BCAS3: variants seen among roughly 807,000 people sequenced by gnomAD.
BCAS3 encodes BCAS3 microtubule associated cell migration factor, also known as BCAS4/BCAS3 fusion.
In BCAS3, 53 loss-of-function variants were observed where a neutral mutation model predicts 116.1. The observed-to-expected ratio is 0.46, with a 90% CI of 0.37 to 0.57. BCAS3 has a LOEUF of 0.57. Among genes scored for constraint, BCAS3 ranks in the 20% least tolerant of loss-of-function variants. The pLI, the probability that BCAS3 is intolerant of heterozygous loss-of-function variation, is 0.00. For missense variants in BCAS3, 917 were observed against 1,165.4 expected (o/e 0.79, Z 3.10); for synonymous variants, 391 against 408.2 (o/e 0.96, Z 0.51).
intron 22 of BCAS3, among the ~76,000 whole-genome samples, chr17:61,322,834 G>GAGAGAGAGAGAGAGAC (rs2055385180): frequency 1.2e-4 from 16 of 131,826 alleles, no homozygotes; most frequent in Admixed American, 1.1e-3. Context: ...GAGAGACAGA[G>GAGAGAGAGAGAGAGAC]AGAGAGAGAG....
intron 13 of BCAS3, among the ~76,000 whole-genome samples, chr17:60,943,829 A>G (rs1314147119): frequency 6.6e-6 from 1 of 152,150 alleles, no homozygotes; most frequent in Non-Finnish European, 1.5e-5. Flanking sequence ...TGGCAATAAT[A>G]TCTGAAAGAT....
intron 10 of BCAS3, among the ~76,000 whole-genome samples, chr17:60,900,548 G>A (rs1039996005): frequency 1.3e-5 from 2 of 152,156 alleles, no homozygotes; most frequent in African/African-American, 4.8e-5. Flanking sequence ...TTGAATTCCA[G>A]TGTTTTACCT....
At chr17:60,776,226 CTG>C (rs200936738) in intron 6 of BCAS3, among the ~76,000 whole-genome samples, 5 of 151,754 alleles carry the variant, frequency 3.3e-5, no homozygotes, top group Admixed American at 1.3e-4. Context: ...TTAAAGTAAT[CTG>C]TGTGTGTGTG....
intron 9 of BCAS3, among the ~76,000 whole-genome samples, chr17:60,880,111 T>C (rs867579745): frequency 3.9e-5 from 6 of 152,186 alleles, no homozygotes; most frequent in African/African-American, 1.2e-4. Context: ...TTCTCACCCA[T>C]TGAGTCTTAG....
rs2143646197 is a variant in BCAS3 at position 61,098,822 on chromosome 17, T to C, written c.2425+14258T>C. On this transcript the variant is annotated intron_variant, in intron 22 of 23. Coordinates refer to ENST00000407086, the MANE Select transcript of BCAS3 (RefSeq NM_017679.5). The surrounding 1 kb of genome is among the most constrained non-coding windows in gnomAD (Gnocchi z 4.2). ...GGATCCTGATTGTTCTGTTACTGCT[T>C]GGCTTAAGATACCCCTGGATGGGCT... Among the ~76,000 whole-genome samples the C allele has an allele frequency of 6.6e-6, 1 of 151,690 alleles. No homozygotes were observed. Among genetic ancestry groups the C allele is most frequent in the African/African-American group, 2.4e-5 (1 of 41,362 alleles).
chr17:60,702,230 C>A (rs2036518568), intron 4 of BCAS3, among the ~76,000 whole-genome samples: 1 of 152,162 alleles, frequency 6.6e-6, no homozygotes, highest in African/African-American at 2.4e-5. Context: ...TTTGTAGTGA[C>A]CTCCTGCCGC....
At chr17:60,870,131 C>T (rs1479816638) in intron 8 of BCAS3, among the ~76,000 whole-genome samples, 1 of 152,160 alleles carries the variant, frequency 6.6e-6, no homozygotes, top group Admixed American at 6.5e-5. Flanking sequence ...CTGAATTGCT[C>T]CTCATTCTCC....
intron 7 of BCAS3, among the ~76,000 whole-genome samples, chr17:60,833,552 C>CTTA (rs1283282050): frequency 6.6e-6 from 1 of 152,194 alleles, no homozygotes; most frequent in East Asian, 1.9e-4. Flanking sequence ...ATTTTGCACA[C>CTTA]TTATACTTTT....
At chr17:61,070,392 TATATATATC>T (rs1356892141) in intron 19 of BCAS3, 9 of 179,486 alleles carry the variant, frequency 5.0e-5, no homozygotes, top group Non-Finnish European at 1.0e-4. Context: ...TATATATATA[TATATATATC>T]TTTTCACCAT....
intron 8 of BCAS3, among the ~76,000 whole-genome samples, chr17:60,872,632 A>T (rs1490814404): frequency 6.6e-6 from 1 of 151,504 alleles, no homozygotes; most frequent in Non-Finnish European, 1.5e-5. Flanking sequence ...ATATACACAC[A>T]TACACACACA....
At chr17:60,817,491 C>T (rs867445782) in intron 7 of BCAS3, among the ~76,000 whole-genome samples, 10 of 152,144 alleles carry the variant, frequency 6.6e-5, no homozygotes, top group Admixed American at 5.2e-4. Context: ...ACACACATTA[C>T]GTGAAAATAT....
chr17:60,744,866 A>G (rs2041900069), intron 5 of BCAS3, among the ~76,000 whole-genome samples: 2 of 152,154 alleles, frequency 1.3e-5, no homozygotes, highest in South Asian at 2.1e-4. Flanking sequence ...CAAGCTTAGA[A>G]TAGGGCATTT....
At chr17:60,997,285 G>A (rs1378402201) in intron 15 of BCAS3, among the ~76,000 whole-genome samples, 2 of 152,138 alleles carry the variant, frequency 1.3e-5, no homozygotes, top group South Asian at 2.1e-4. Flanking sequence ...CTGGGAGTTG[G>A]GAACCCCTTG....
chr17:60,890,811 T>C (rs916015290), intron 10 of BCAS3, among the ~76,000 whole-genome samples: 2 of 152,206 alleles, frequency 1.3e-5, no homozygotes, highest in Non-Finnish European at 2.9e-5. Context: ...AGTTATTGTA[T>C]CTTGAGATTA....
At chr17:60,917,813 A>G in intron 12 of BCAS3, among the ~76,000 whole-genome samples, 1 of 152,116 alleles carries the variant, frequency 6.6e-6, no homozygotes, top group Non-Finnish European at 1.5e-5. Flanking sequence ...GGCTGGTCTC[A>G]AACTCCTGAC....
At chr17:61,191,692 G>A (rs574183883) in intron 22 of BCAS3, among the ~76,000 whole-genome samples, 4 of 151,610 alleles carry the variant, frequency 2.6e-5, no homozygotes, top group South Asian at 4.2e-4. Context: ...GGAGAATGGC[G>A]TGAACCTGGG....
intron 5 of BCAS3, among the ~76,000 whole-genome samples, chr17:60,711,485 T>C (rs528421368): frequency 2.0e-5 from 3 of 152,300 alleles, no homozygotes; most frequent in South Asian, 2.1e-4. Flanking sequence ...GAGGAAGTTA[T>C]ACCTTTAACA....
rs905654483 is a variant in BCAS3, at chr17:61,355,191, C to T, written c.2426-13136C>T. Reference sequence around the variant, plus strand: ...ATCCAAGAGGACAAGCCACTCGTGTCTGTGTGTATATTGGGTTTCACATCT... The same window carrying T: ...ATCCAAGAGGACAAGCCACTCGTGTTTGTGTGTATATTGGGTTTCACATCT... On this transcript the variant is annotated intron_variant, in intron 22 of 23. Coordinates refer to ENST00000407086, the MANE Select transcript of BCAS3 (RefSeq NM_017679.5). This position sits in a 1 kb window ranked among gnomAD's most constrained non-coding sequence, Gnocchi z 4.2. 3 of 152,222 alleles carry T rather than the reference C, an allele frequency of 2.0e-5. No homozygotes were observed. The highest frequency in any genetic ancestry group is 7.2e-5 in the African/African-American group (3 of 41,450). The allele number at this position is 152,222 out of a possible 1,614,324, so 9.4% of individuals were successfully genotyped here. A position where few individuals can be genotyped will look rare whatever the true frequency, so the allele number is the denominator to read the frequency against.
chr17:61,319,461 C>T (rs1465121648), intron 22 of BCAS3, among the ~76,000 whole-genome samples: 1 of 152,100 alleles, frequency 6.6e-6, no homozygotes, highest in East Asian at 1.9e-4. Context: ...AGAATGTTGA[C>T]TCTAGAATTT....
Sources: gnomAD v4.1 joint callset for allele counts (sites outside exome capture counted in the v4.1 genomes callset) on GRCh38, gnomAD v4.1.1 for gene constraint, Gnocchi (gnomAD v3.1) non-coding constraint, MANE v1.5 for transcripts, NCBI Gene and HGNC (gene_info 2026-07-23, HGNC 2026-07-21) for gene names.